RALGPS1: variants seen among roughly 807,000 people sequenced by gnomAD.
RALGPS1 encodes the protein ras-specific guanine nucleotide-releasing factor RalGPS1.
In RALGPS1, 19 loss-of-function variants were observed where a neutral mutation model predicts 78.8. That is an observed-to-expected ratio of 0.24 (90% CI 0.17 to 0.35). The LOEUF (loss-of-function observed/expected upper bound fraction) is 0.35, where lower values mean the gene tolerates loss of function less well. Among genes scored for constraint, RALGPS1 ranks in the 10% least tolerant of loss-of-function variants. The pLI is 1.00. For synonymous variants in RALGPS1, 228 were observed against 256.3 expected (o/e 0.89, Z 1.06); for missense variants, 454 against 688.3 (o/e 0.66, Z 3.81).
chr9:127,177,642 G>C (rs1222335854), intron 11 of RALGPS1, among the ~76,000 whole-genome samples: 1 of 152,210 alleles, frequency 6.6e-6, no homozygotes, highest in African/African-American at 2.4e-5. Flanking sequence ...CTAGGGGTAG[G>C]GAGAAGAACA....
intron 4 of RALGPS1, 190 bp downstream of exon 4, chr9:126,977,935 T>A (rs1218576198): frequency 2.1e-6 from 1 of 476,908 alleles, no homozygotes; most frequent in Non-Finnish European, 3.7e-6. Flanking sequence ...CCAGAGAATG[T>A]CTCCCGTCTG....
At chr9:127,139,443 A>G (rs1472916252) in intron 8 of RALGPS1, among the ~76,000 whole-genome samples, 2 of 152,250 alleles carry the variant, frequency 1.3e-5, no homozygotes, top group Non-Finnish European at 2.9e-5. Flanking sequence ...GTGCCAGCTG[A>G]GATGCCCAGA....
At chr9:127,142,413 C>G (rs1171514109) in intron 8 of RALGPS1, among the ~76,000 whole-genome samples, 1 of 152,174 alleles carries the variant, frequency 6.6e-6, no homozygotes, top group Non-Finnish European at 1.5e-5. Context: ...GCTAAGTGAT[C>G]CCACCTAATT....
rs562936466 is a variant in RALGPS1 at position 127,166,114 on chromosome 9, C to A, written c.656C>A (p.Ala219Asp). Residue 219 changes from alanine to aspartate, a missense_variant, in exon 9 of 19, where the codon GCC (alanine) becomes GAC (aspartate). By Grantham distance (126) the Ala-to-Asp change is moderately radical (BLOSUM62 -2). Transcript: ENST00000259351. The stretch of plus-strand genomic sequence containing the variant: ...ATCTACATTGATTCTGCATATCCTG[C>A]CTCAGGCAGTATCATGGAAAATGAA... The part of the protein sequence containing the change: ...DLIYIDSAYP[A>D]SGSIMENEQR... The A allele has an allele frequency of 6.2e-7, 1 of 1,612,572 alleles. No individual in the cohort carries two copies. Among genetic ancestry groups the A allele is most frequent in the South Asian group, 1.1e-5 (1 of 90,742 alleles).
intron 8 of RALGPS1, among the ~76,000 whole-genome samples, chr9:127,078,096 C>G (rs2050837112): frequency 6.6e-6 from 1 of 151,912 alleles, no homozygotes; most frequent in African/African-American, 2.4e-5. Context: ...TCTCTGGGAT[C>G]CAGCAAGCAA....
chr9:127,138,194 C>T (rs2057530690), intron 8 of RALGPS1, among the ~76,000 whole-genome samples: 1 of 152,202 alleles, frequency 6.6e-6, no homozygotes, highest in Admixed American at 6.5e-5. Context: ...TGTGGTATAG[C>T]ATTCCAATCT....
intron 4 of RALGPS1, among the ~76,000 whole-genome samples, chr9:126,996,216 C>A (rs987294094): frequency 1.3e-5 from 2 of 152,102 alleles, no homozygotes; most frequent in Admixed American, 6.5e-5. Flanking sequence ...ACACAAAAAA[C>A]CCTTCAAAAA....
At chr9:126,921,400 CT>C (rs1444288484) in intron 1 of RALGPS1, among the ~76,000 whole-genome samples, 1 of 152,206 alleles carries the variant, frequency 6.6e-6, no homozygotes, top group East Asian at 1.9e-4. Flanking sequence ...TTGTGAACAC[CT>C]TTTCTTTGTC....
At chr9:126,982,095 G>C (rs1166607445) in intron 4 of RALGPS1, among the ~76,000 whole-genome samples, 3 of 152,196 alleles carry the variant, frequency 2.0e-5, no homozygotes, top group Non-Finnish European at 4.4e-5. Flanking sequence ...TGACCCAAGA[G>C]AACAAGACAG....
chr9:127,118,325 C>T (rs1440335709), intron 8 of RALGPS1, among the ~76,000 whole-genome samples: 1 of 152,222 alleles, frequency 6.6e-6, no homozygotes, highest in African/African-American at 2.4e-5. Context: ...GTCATAGAAA[C>T]TACCCCCAGA....
chr9:127,083,902 C>CTTGT (rs779587923), intron 8 of RALGPS1, among the ~76,000 whole-genome samples: 155 of 152,068 alleles, frequency 1.0e-3, no homozygotes, highest in African/African-American at 3.0e-3. Context: ...AGATGGTCAG[C>CTTGT]TTGTTTGTTT....
chr9:127,171,212 C>T (rs1404163471), intron 10 of RALGPS1, among the ~76,000 whole-genome samples: 2 of 151,990 alleles, frequency 1.3e-5, no homozygotes, highest in African/African-American at 2.4e-5. Context: ...AGTGAACATA[C>T]TTTTGGACAT....
At chr9:126,918,160 A>G (rs548641368) in intron 1 of RALGPS1, among the ~76,000 whole-genome samples, 1 of 152,218 alleles carries the variant, frequency 6.6e-6, no homozygotes, top group Non-Finnish European at 1.5e-5. Flanking sequence ...ATATTGTAAC[A>G]TTAGTAAAAT....
At chr9:127,050,174 C>T in intron 6 of RALGPS1, 42 bp downstream of exon 6, 1 of 1,422,156 alleles carries the variant, frequency 7.0e-7, no homozygotes, top group Non-Finnish European at 9.9e-7. Flanking sequence ...TCCCTCTTCT[C>T]TCCCACACCT....
At chr9:127,195,346 T>C (rs1411574114) in intron 12 of RALGPS1, 129 bp downstream of exon 12, 3 of 1,293,472 alleles carry the variant, frequency 2.3e-6, no homozygotes, top group East Asian at 2.6e-5. Context: ...TGATGAGAGC[T>C]CTTGGAATCC....
chr9:126,981,750 A>G (rs914391672), intron 4 of RALGPS1, among the ~76,000 whole-genome samples: 4 of 152,188 alleles, frequency 2.6e-5, no homozygotes, highest in Non-Finnish European at 4.4e-5. Context: ...GTCCATGATT[A>G]CTGTATTAGT....
intron 1 of RALGPS1, among the ~76,000 whole-genome samples, chr9:126,952,765 C>T (rs1392112463): frequency 2.0e-5 from 3 of 151,822 alleles, no homozygotes; most frequent in East Asian, 1.9e-4. Context: ...TGGAGTAGAC[C>T]GAACAGTTGT....
intron 1 of RALGPS1, among the ~76,000 whole-genome samples, chr9:126,917,101 G>A (rs2034249347): frequency 6.6e-6 from 1 of 151,806 alleles, no homozygotes; most frequent in South Asian, 2.1e-4. Flanking sequence ...GAACCATGGT[G>A]CTGGCCTCCC....
chr9:127,090,011 G>A (rs1467275506), intron 8 of RALGPS1, among the ~76,000 whole-genome samples: 2 of 152,226 alleles, frequency 1.3e-5, no homozygotes, highest in Non-Finnish European at 1.5e-5. Flanking sequence ...GGGATGAGGT[G>A]AGGAGGTCGC....
Sources: allele counts gnomAD v4.1 joint callset (sites outside exome capture counted in the v4.1 genomes callset), GRCh38; gene constraint gnomAD v4.1.1; transcripts MANE v1.5; gene names NCBI Gene and HGNC (gene_info 2026-07-23, HGNC 2026-07-21).